The following GALNT18 variants were observed in gnomAD, a reference collection of about 807,000 sequenced individuals.
The protein encoded by GALNT18 is polypeptide N-acetylgalactosaminyltransferase 18, also known as GalNAc-transferase 18.
In GALNT18, 44 loss-of-function variants were observed where a neutral mutation model predicts 69.5. That is an observed-to-expected ratio of 0.63 (90% CI 0.50 to 0.81). The LOEUF (loss-of-function observed/expected upper bound fraction) is 0.81, where lower values mean the gene tolerates loss of function less well. Ranked by LOEUF, GALNT18 falls within the 40% of genes least tolerant of loss-of-function variation. GALNT18 has a pLI of 0.00. For missense variants in GALNT18, 715 were observed against 810.0 expected, an observed-to-expected ratio of 0.88 and a Z score of 1.42; for synonymous variants, 364 against 318.2, an observed-to-expected ratio of 1.14 and a Z score of -1.53.
chr11:11,276,753 C>T (rs1848957741), intron 10 of GALNT18, among the ~76,000 whole-genome samples: 2 of 152,144 alleles, frequency 1.3e-5, no homozygotes, highest in Admixed American at 6.5e-5. Context: ...GCCTTTTCTG[C>T]ATCTATTGAA....
At chr11:11,301,575 G>A (rs1005832718) in intron 9 of GALNT18, among the ~76,000 whole-genome samples, 1 of 152,236 alleles carries the variant, frequency 6.6e-6, no homozygotes, top group Non-Finnish European at 1.5e-5. Context: ...CGACATACAT[G>A]TGTAAGGCTG....
intron 1 of GALNT18, among the ~76,000 whole-genome samples, chr11:11,501,679 T>C (rs1412988215): frequency 6.6e-6 from 1 of 152,110 alleles, no homozygotes; most frequent in Non-Finnish European, 1.5e-5. Flanking sequence ...GAAAGTGCCT[T>C]GACAACCAGA....
At chr11:11,274,099 C>T (rs1848885174) in intron 10 of GALNT18, among the ~76,000 whole-genome samples, 1 of 152,082 alleles carries the variant, frequency 6.6e-6, no homozygotes, top group Admixed American at 6.5e-5. Context: ...ATCTCCCTTC[C>T]CCAGCCAAGG....
chr11:11,287,655 C>T (rs1849218395), intron 10 of GALNT18, among the ~76,000 whole-genome samples: 1 of 152,132 alleles, frequency 6.6e-6, no homozygotes, highest in East Asian at 1.9e-4. Flanking sequence ...ATTTATCATC[C>T]CAGTAGGTAG....
In GALNT18 at chr11:11,328,604, T is replaced by G. The variant is rs188108601; in HGVS notation, c.1417-1423A>C. The stretch of plus-strand genomic sequence containing the variant: ...TTCTTTTGAGCTTCCTTTCCTCTAC[T>G]GGATGGTAGCACCTTAATCCCAAAC... On this transcript the variant is annotated intron_variant, in intron 8 of 10. Transcript: ENST00000227756. Among the ~76,000 whole-genome samples the G allele has an allele frequency of 4.6e-5, 7 of 152,328 alleles. No homozygotes were observed. In the East Asian group the frequency reaches 1.4e-3, roughly 29 times the overall value.
intron 1 of GALNT18, among the ~76,000 whole-genome samples, chr11:11,550,120 T>C (rs942020707): frequency 6.6e-6 from 1 of 152,160 alleles, no homozygotes; most frequent in African/African-American, 2.4e-5. Context: ...AACCAATGCA[T>C]CCAGTAGGCA....
intron 1 of GALNT18, among the ~76,000 whole-genome samples, chr11:11,552,067 C>T (rs895044028): frequency 1.1e-4 from 16 of 152,288 alleles, no homozygotes; most frequent in African/African-American, 2.9e-4. Flanking sequence ...TGGATATATA[C>T]GTGAGGTCAT....
chr11:11,275,890 A>C (rs1009179635), intron 10 of GALNT18, among the ~76,000 whole-genome samples: 13 of 152,068 alleles, frequency 8.5e-5, no homozygotes, highest in African/African-American at 3.1e-4. Context: ...CCATTGGTCT[A>C]TCTCTCTGTT....
chr11:11,447,532 C>T (rs1298265675), intron 2 of GALNT18, among the ~76,000 whole-genome samples: 2 of 152,168 alleles, frequency 1.3e-5, no homozygotes, highest in Non-Finnish European at 2.9e-5. Context: ...TCTCATGCTG[C>T]TATGAAGAAA....
chr11:11,499,413 CCT>C (rs1377240848), intron 1 of GALNT18, among the ~76,000 whole-genome samples: 1 of 152,194 alleles, frequency 6.6e-6, no homozygotes, highest in Non-Finnish European at 1.5e-5. Context: ...CCCTCCCACC[CCT>C]GACTGCAGCC....
At chr11:11,548,411 C>T (rs1268973289) in intron 1 of GALNT18, among the ~76,000 whole-genome samples, 1 of 152,184 alleles carries the variant, frequency 6.6e-6, no homozygotes, top group African/African-American at 2.4e-5. Flanking sequence ...TCAGAAGGCA[C>T]CAAGCACTAA....
At chr11:11,344,153 G>A (rs1850259225) in intron 6 of GALNT18, among the ~76,000 whole-genome samples, 1 of 152,064 alleles carries the variant, frequency 6.6e-6, no homozygotes, top group South Asian at 2.1e-4. Flanking sequence ...ATCTGGGCTT[G>A]CCCCCCACCA....
At chr11:11,417,563 A>G (rs1854895084) in intron 3 of GALNT18, among the ~76,000 whole-genome samples, 1 of 152,176 alleles carries the variant, frequency 6.6e-6, no homozygotes, top group South Asian at 2.1e-4. Flanking sequence ...CCAACTTGAG[A>G]AAACTTGCCA....
Position 11,332,859 on chromosome 11 carries a change from A to G in GALNT18, c.1279-28T>C. The G allele has an allele frequency of 1.2e-6, 2 of 1,608,022 alleles. No individual in the cohort carries two copies. The highest frequency in any genetic ancestry group is 1.7e-6 in the Non-Finnish European group (2 of 1,178,906). The stretch of plus-strand genomic sequence containing the variant: ...GCACAGGGACGCAGAAGCAGAGATG[A>G]AGCCACTCCCAGGTTGCAGCTTCTC... On this transcript the variant is annotated intron_variant, in intron 7 of 10. Transcript: ENST00000227756. The surrounding 1 kb of genome is among the most constrained non-coding windows in gnomAD (Gnocchi z 4.3).
intron 1 of GALNT18, among the ~76,000 whole-genome samples, chr11:11,456,163 T>C (rs1335083658): frequency 2.0e-5 from 3 of 152,168 alleles, no homozygotes; most frequent in African/African-American, 7.2e-5. Context: ...AAAAGCTTTA[T>C]CCCTGGAGCT....
chr11:11,553,118 C>T (rs982668921), intron 1 of GALNT18, among the ~76,000 whole-genome samples: 1 of 152,190 alleles, frequency 6.6e-6, no homozygotes, highest in East Asian at 1.9e-4. Context: ...AATGATATAC[C>T]CACTGAAGCA....
chr11:11,391,005 T>C (rs1854178889), intron 3 of GALNT18, among the ~76,000 whole-genome samples: 1 of 152,244 alleles, frequency 6.6e-6, no homozygotes. Context: ...TGCCATTACC[T>C]GCTCATCAGT....
rs558046107 is a variant in GALNT18, at chr11:11,285,221, T to C, written c.1677+7808A>G. On this transcript the variant is annotated intron_variant, in intron 10 of 10. Coordinates refer to ENST00000227756, the MANE Select transcript of GALNT18 (RefSeq NM_198516.3). ...TTTCCAGAGGCAGGACAAGGGACCA[T>C]GGTATGGTGGTTTAAAGCATGGACC... Among the ~76,000 whole-genome samples, 64 of 152,198 alleles carry C rather than the reference T, an allele frequency of 4.2e-4. No homozygotes were observed. In the East Asian group the frequency reaches 0.012, roughly 28 times the overall value.
chr11:11,283,792 T>A (rs1849136515), intron 10 of GALNT18, among the ~76,000 whole-genome samples: 1 of 152,166 alleles, frequency 6.6e-6, no homozygotes, highest in South Asian at 2.1e-4. Flanking sequence ...CAATTAAACC[T>A]GGCAGGAGAG....
Sources: gnomAD v4.1 joint callset for allele counts (sites outside exome capture counted in the v4.1 genomes callset) on GRCh38, gnomAD v4.1.1 for gene constraint, Gnocchi (gnomAD v3.1) non-coding constraint, MANE v1.5 for transcripts, NCBI Gene and HGNC (gene_info 2026-07-23, HGNC 2026-07-21) for gene names.